Variants in C19orf38 observed in about 807,000 individuals in gnomAD.
C19orf38 encodes the protein protein HIDE1.
C19orf38 carries 14 observed loss-of-function variants against 26.6 expected under a neutral mutation model. The observed-to-expected ratio is 0.53, with a 90% CI of 0.35 to 0.82. The LOEUF is 0.82. Ranked by LOEUF, C19orf38 falls within the 40% of genes least tolerant of loss-of-function variation. The probability of loss-of-function intolerance (pLI) is 0.01; values close to 1 mark genes in which losing one functional copy is unlikely to be tolerated. For missense variants in C19orf38, 261 were observed against 299.5 expected (o/e 0.87, Z 0.95); for synonymous variants, 132 against 128.5 (o/e 1.03, Z -0.18).
chr19:10,857,022 C>A (rs2073632940), intron 3 of C19orf38, among the ~76,000 whole-genome samples: 1 of 151,696 alleles, frequency 6.6e-6, no homozygotes, highest in Non-Finnish European at 1.5e-5. Flanking sequence ...TGGGTAACTC[C>A]TGGGCTCAAG....
upstream of C19orf38, among the ~76,000 whole-genome samples, chr19:10,844,725 G>A (rs1287222821): frequency 6.6e-6 from 1 of 151,594 alleles, no homozygotes; most frequent in Non-Finnish European, 1.5e-5. Context: ...GCGGTTGCCT[G>A]TAGTCCCAGC....
At chr19:10,847,946 A>G (rs1490343774), upstream of C19orf38, among the ~76,000 whole-genome samples, 1 of 152,066 alleles carries the variant, frequency 6.6e-6, no homozygotes, top group Non-Finnish European at 1.5e-5. Flanking sequence ...AAATCCCAGC[A>G]CTTTGGGAGG....
Position 10,869,197 on chromosome 19 carries a change from TTTC to T in C19orf38, c.544-15_544-13del. 1 of 1,551,582 alleles carries T rather than the reference TTTC, an allele frequency of 6.4e-7. No individual in the cohort carries two copies. Among genetic ancestry groups the T allele is most frequent in the Non-Finnish European group, 8.7e-7 (1 of 1,146,924 alleles). On this transcript the variant is annotated intron_variant, in intron 6 of 6. Transcript: ENST00000397820. ...AAACCCCAAATCACCCACTTCTGTGTTTCTTCTTACATGGACAAAGAAAACGAT... is the reference window on the plus strand; with the variant it reads ...AAACCCCAAATCACCCACTTCTGTGTTTCTTACATGGACAAAGAAAACGAT...
intron 1 of C19orf38, among the ~76,000 whole-genome samples, chr19:10,849,816 C>G (rs1347379183): frequency 1.3e-5 from 2 of 152,056 alleles, no homozygotes; most frequent in African/African-American, 4.8e-5. Flanking sequence ...ATAATCCCAG[C>G]ACTTTGGGAG....
chr19:10,837,302 C>T (rs1245894305), intron 1 of C19orf38, among the ~76,000 whole-genome samples: 2 of 152,034 alleles, frequency 1.3e-5, no homozygotes, highest in Non-Finnish European at 2.9e-5. Context: ...GACAAAGATC[C>T]CTCAAATACA....
chr19:10,845,354 T>A (rs1183809441), upstream of C19orf38, among the ~76,000 whole-genome samples: 1 of 152,092 alleles, frequency 6.6e-6, no homozygotes, highest in Non-Finnish European at 1.5e-5. Context: ...TTCAAAGTAT[T>A]GAAATTATAT....
At chr19:10,858,673 C>T (rs62131833) in intron 4 of C19orf38, among the ~76,000 whole-genome samples, 4,893 of 152,194 alleles carry the variant, frequency 0.032, 135 homozygotes, top group Non-Finnish European at 0.051. Context: ...CCTTTACCTC[C>T]AGCTGCCAGA....
At chr19:10,845,394 G>C (rs1475013566), upstream of C19orf38, among the ~76,000 whole-genome samples, 2 of 152,102 alleles carry the variant, frequency 1.3e-5, no homozygotes, top group Non-Finnish European at 2.9e-5. Context: ...ATCATTAACA[G>C]TAAGCTGCCC....
chr19:10,840,400 C>A (rs1006278569), intron 1 of C19orf38, among the ~76,000 whole-genome samples: 1 of 152,144 alleles, frequency 6.6e-6, no homozygotes, highest in Non-Finnish European at 1.5e-5. Context: ...CTCCATCTCC[C>A]AAGTTCAAGT....
chr19:10,866,224 C>T (rs1450634068), intron 6 of C19orf38, among the ~76,000 whole-genome samples: 2 of 144,710 alleles, frequency 1.4e-5, no homozygotes, highest in Admixed American at 7.0e-5. Context: ...TTTTTTGAGA[C>T]GGACTCTCGC....
chr19:10,858,446 T>A, intron 4 of C19orf38, 103 bp downstream of exon 4: 1 of 1,133,968 alleles, frequency 8.8e-7, no homozygotes, highest in Non-Finnish European at 1.3e-6. Flanking sequence ...CGCCTCCTGG[T>A]GGGCATGCTG....
chr19:10,850,332 C>A lies in C19orf38; in HGVS notation c.105C>A (p.His35Gln), dbSNP rs1395958440. ...PYPSSQEDPI[H>Q]IACMAPGNFP... ...CAAGCAGCCAAGAGGACCCCATCCA[C>A]ATCGCATGCATGGCCCCTGGGAACT... The change falls in exon 2 of 7, where the codon CAC becomes CAA. Residue 35 changes from histidine to glutamine, a missense_variant. Physicochemically the swap from His to Gln is conservative, Grantham distance 24 (BLOSUM62 0). Coordinates refer to ENST00000397820, the MANE Select transcript of C19orf38 (RefSeq NM_001136482.3). 6.4e-7 allele frequency: 1 copy of A among 1,551,452 alleles called. No individual in the cohort carries two copies. Among genetic ancestry groups the A allele is most frequent in the Non-Finnish European group, 8.7e-7 (1 of 1,146,946 alleles).
chr19:10,848,493 C>T lies in C19orf38; in HGVS notation c.-16C>T. ...CTCTGGCCTCAGCCGGATTTCCCAG[C>T]CAAACGCAGAGAGAGATGCCCTGGA... is the stretch of plus-strand genomic sequence containing the variant. On this transcript the variant is annotated 5_prime_UTR_variant, in exon 1 of 7. Transcript: ENST00000397820. 1 of 1,551,600 alleles carries T rather than the reference C, an allele frequency of 6.4e-7. No homozygotes were observed. Among genetic ancestry groups the T allele is most frequent in the South Asian group, 1.2e-5 (1 of 84,060 alleles).
intron 1 of C19orf38, among the ~76,000 whole-genome samples, chr19:10,837,904 A>T (rs2073448833): frequency 6.6e-6 from 1 of 151,678 alleles, no homozygotes; most frequent in Admixed American, 6.6e-5. Flanking sequence ...GGCTCAAGTG[A>T]TTCTCCCACC....
At chr19:10,845,769 C>T (rs574019546), upstream of C19orf38, among the ~76,000 whole-genome samples, 5 of 151,566 alleles carry the variant, frequency 3.3e-5, no homozygotes, top group African/African-American at 1.2e-4. Flanking sequence ...GTCCCAGCTA[C>T]TCAGGAGTCT....
intron 5 of C19orf38, 114 bp from the exon 6 acceptor site, chr19:10,863,056 G>C: frequency 1.9e-6 from 2 of 1,080,020 alleles, no homozygotes; most frequent in South Asian, 2.8e-5. Context: ...GAGGATGCTG[G>C]GAGATGGACC....
At chr19:10,869,162 C>T (rs1039483152) in intron 6 of C19orf38, 56 bp from the exon 7 acceptor site, 6 of 1,545,012 alleles carry the variant, frequency 3.9e-6, no homozygotes, top group African/African-American at 1.4e-5. Flanking sequence ...TGGAGAAACC[C>T]TAGATCCTGA....
At chr19:10,867,448 TA>T (rs2073762766) in intron 6 of C19orf38, among the ~76,000 whole-genome samples, 1 of 91,270 alleles carries the variant, frequency 1.1e-5, no homozygotes. Flanking sequence ...CTACTAAAAC[TA>T]CAAAAAAAAA....
chr19:10,850,127 G>A (rs2073554367), intron 1 of C19orf38, 132 bp from the exon 2 acceptor site: 1 of 798,820 alleles, frequency 1.3e-6, no homozygotes, highest in Non-Finnish European at 1.9e-6. Flanking sequence ...GCAGTGTGGG[G>A]TAGGGTCACT....
Sources: gnomAD v4.1 joint callset for allele counts (sites outside exome capture counted in the v4.1 genomes callset) on GRCh38, gnomAD v4.1.1 for gene constraint, MANE v1.5 for transcripts, NCBI Gene and HGNC (gene_info 2026-07-23, HGNC 2026-07-21) for gene names.